The following STXBP5L variants were observed in gnomAD, a reference collection of about 807,000 sequenced individuals.
The protein encoded by STXBP5L is syntaxin-binding protein 5-like.
Under a neutral mutation model 144.5 loss-of-function variants are expected in STXBP5L, and 65 were observed. The observed-to-expected ratio is 0.45, with a 90% confidence interval of 0.37 to 0.55. The LOEUF (loss-of-function observed/expected upper bound fraction) is 0.55. Ranked by LOEUF, STXBP5L falls within the 20% of genes least tolerant of loss-of-function variation. The pLI, the probability that STXBP5L is intolerant of heterozygous loss-of-function variation, is 0.00. For missense variants in STXBP5L, 1,298 were observed against 1,405.5 expected, an observed-to-expected ratio of 0.92 and a Z score of 1.22; for synonymous variants, 505 against 469.6, an observed-to-expected ratio of 1.08 and a Z score of -0.97.
At chr3:121,018,141 A>T (rs1228443966) in intron 3 of STXBP5L, among the ~76,000 whole-genome samples, 1 of 152,190 alleles carries the variant, frequency 6.6e-6, no homozygotes, top group Non-Finnish European at 1.5e-5. Flanking sequence ...AATATTCAAT[A>T]TTGTCAAGAT....
At chr3:121,105,442 G>C (rs1428680416) in intron 5 of STXBP5L, among the ~76,000 whole-genome samples, 1 of 140,806 alleles carries the variant, frequency 7.1e-6, no homozygotes, top group Non-Finnish European at 1.5e-5. Flanking sequence ...AAGTGGCCAA[G>C]AAACATGAAA....
At chr3:120,975,989 A>G (rs1269027408) in intron 3 of STXBP5L, among the ~76,000 whole-genome samples, 5 of 150,432 alleles carry the variant, frequency 3.3e-5, no homozygotes, top group Non-Finnish European at 4.4e-5. Flanking sequence ...CATCAAGGAT[A>G]TTGGTCTAAA....
At chr3:120,996,416 T>G (rs956504508) in intron 3 of STXBP5L, among the ~76,000 whole-genome samples, 11 of 152,150 alleles carry the variant, frequency 7.2e-5, no homozygotes, top group African/African-American at 1.7e-4. Context: ...GTCAAGTCAA[T>G]TAACATATCT....
At chr3:121,218,488 C>T (rs890624296) in intron 10 of STXBP5L, among the ~76,000 whole-genome samples, 5 of 151,158 alleles carry the variant, frequency 3.3e-5, no homozygotes, top group Non-Finnish European at 5.9e-5. Context: ...TATATTCTAG[C>T]AGTAGAGGCA....
At chr3:121,089,092 T>TTAAA (rs1553803398) in intron 5 of STXBP5L, among the ~76,000 whole-genome samples, 1 of 56,150 alleles carries the variant, frequency 1.8e-5, no homozygotes, top group African/African-American at 6.9e-5. Flanking sequence ...TAGAGTATAA[T>TTAAA]AAAAAAAAAA....
At chr3:121,142,392 A>G (rs1019168932) in intron 7 of STXBP5L, among the ~76,000 whole-genome samples, 2 of 151,988 alleles carry the variant, frequency 1.3e-5, no homozygotes, top group African/African-American at 2.4e-5. Context: ...CAATAACACT[A>G]TAGACCAAAT....
At chr3:121,058,538 G>C (rs186358192) in intron 5 of STXBP5L, among the ~76,000 whole-genome samples, 140 of 152,270 alleles carry the variant, frequency 9.2e-4, no homozygotes, top group East Asian at 7.7e-4. Flanking sequence ...CTAGATCCTT[G>C]AAGAATCGCC....
At chr3:120,926,666 A>G (rs893319662) in intron 2 of STXBP5L, among the ~76,000 whole-genome samples, 2 of 152,084 alleles carry the variant, frequency 1.3e-5, no homozygotes, top group Non-Finnish European at 1.5e-5. Flanking sequence ...CATCTTGACT[A>G]TCAGTAATTC....
intron 11 of STXBP5L, among the ~76,000 whole-genome samples, chr3:121,229,123 C>T (rs949671964): frequency 2.0e-5 from 3 of 152,166 alleles, no homozygotes; most frequent in African/African-American, 7.2e-5. Context: ...CCCTGCCTCA[C>T]TCTATACTTC....
intron 5 of STXBP5L, among the ~76,000 whole-genome samples, chr3:121,055,857 A>ATT (rs5852260): frequency 2.6e-4 from 36 of 137,540 alleles, no homozygotes; most frequent in South Asian, 1.4e-3. Flanking sequence ...ACTAATGTTA[A>ATT]TTTTTTTTTT....
chr3:121,324,342 G>A, intron 20 of STXBP5L: 1 of 505,402 alleles, frequency 2.0e-6, no homozygotes, highest in South Asian at 3.2e-5. Flanking sequence ...TCCTTTGTTG[G>A]AGCAGTATTT....
chr3:121,020,976 C>T (rs9845928), intron 3 of STXBP5L, among the ~76,000 whole-genome samples: 15,077 of 151,924 alleles, frequency 0.099, 1,174 homozygotes, highest in Admixed American at 0.2. Context: ...TATAGAGTGG[C>T]AAAATGGATA....
intron 19 of STXBP5L, among the ~76,000 whole-genome samples, chr3:121,313,759 A>G (rs2043661151): frequency 7.7e-6 from 1 of 129,110 alleles, no homozygotes; most frequent in South Asian, 3.0e-4. Flanking sequence ...TCCCTCCCGG[A>G]CGGGGTGGCT....
At chr3:121,376,431 A>G (rs143528801) in intron 20 of STXBP5L, among the ~76,000 whole-genome samples, 2,634 of 152,330 alleles carry the variant, frequency 0.017, 70 homozygotes, top group African/African-American at 0.059. Flanking sequence ...GAAGGGGTCC[A>G]GTTTCAGTTT....
At chr3:121,253,265 A>G (rs2050085717) in intron 15 of STXBP5L, among the ~76,000 whole-genome samples, 2 of 151,976 alleles carry the variant, frequency 1.3e-5, no homozygotes, top group South Asian at 4.1e-4. Context: ...AAAAAAAAAA[A>G]AAGTACTATG....
chr3:121,174,643 T>C (rs909685878), intron 9 of STXBP5L, among the ~76,000 whole-genome samples: 1 of 152,106 alleles, frequency 6.6e-6, no homozygotes, highest in African/African-American at 2.4e-5. Context: ...TTAAATGAAT[T>C]TCTGAAAGTT....
At chr3:121,137,211 G>A (rs546109024) in intron 7 of STXBP5L, among the ~76,000 whole-genome samples, 89 of 151,972 alleles carry the variant, frequency 5.9e-4, no homozygotes, top group Middle Eastern at 3.4e-3. Flanking sequence ...ACCTGCACAC[G>A]TACCCCTTAA....
At chr3:120,954,879 A>G in intron 2 of STXBP5L, 61 bp from the exon 3 acceptor site, 2 of 1,394,106 alleles carry the variant, frequency 1.4e-6, no homozygotes, top group African/African-American at 1.4e-5. Context: ...ATATAATGGT[A>G]TCTTGTGATT....
intron 11 of STXBP5L, among the ~76,000 whole-genome samples, chr3:121,223,829 C>T (rs1026678780): frequency 5.3e-5 from 8 of 152,026 alleles, no homozygotes; most frequent in African/African-American, 1.9e-4. Context: ...GGTGTGGTGA[C>T]TCATGCCTGT....
Sources: gnomAD v4.1 joint callset for allele counts (sites outside exome capture counted in the v4.1 genomes callset) on GRCh38, gnomAD v4.1.1 for gene constraint, MANE v1.5 for transcripts, NCBI Gene and HGNC (gene_info 2026-07-23, HGNC 2026-07-21) for gene names.